Variants in HERC1 observed in about 807,000 individuals in gnomAD.
HERC1 encodes the protein probable E3 ubiquitin-protein ligase HERC1.
A neutral mutation model predicts 554.3 loss-of-function variants in HERC1; 160 were observed. The ratio of observed to expected loss-of-function variants is 0.29; its 90% CI spans 0.25 to 0.33. The LOEUF is 0.33. Among genes scored for constraint, HERC1 ranks in the 10% least tolerant of loss-of-function variants. HERC1 has a pLI of 1.00. For synonymous variants in HERC1, 2,175 were observed against 2,131.7 expected (o/e 1.02, Z -0.56); for missense variants, 4,919 against 5,918.5 (o/e 0.83, Z 5.54).
chr15:63,807,476 T>G (rs1185350077), intron 1 of HERC1, among the ~76,000 whole-genome samples: 1 of 152,178 alleles, frequency 6.6e-6, no homozygotes, highest in African/African-American at 2.4e-5. Flanking sequence ...CCTCTTCTTT[T>G]CCCCTCAGAC....
intron 1 of HERC1, 80 bp downstream of exon 1, chr15:63,833,747 G>GCACACACACA (rs1279912396): frequency 5.1e-5 from 6 of 117,738 alleles, no homozygotes; most frequent in African/African-American, 1.2e-4. Flanking sequence ...GCACACACGC[G>GCACACACACA]CGCGCGCACA....
At chr15:63,650,530 G>A (rs1322281881) in intron 53 of HERC1, among the ~76,000 whole-genome samples, 1 of 151,756 alleles carries the variant, frequency 6.6e-6, no homozygotes, top group East Asian at 1.9e-4. Context: ...CAATCCTTGA[G>A]CCTCAGCTTC....
chr15:63,732,292 C>T (rs545682003), intron 14 of HERC1, among the ~76,000 whole-genome samples: 19 of 152,222 alleles, frequency 1.2e-4, no homozygotes, highest in East Asian at 7.7e-4. Flanking sequence ...TAAGACACCG[C>T]GCCTGGCCTG....
intron 65 of HERC1, 72 bp from the exon 66 acceptor site, chr15:63,634,960 G>A: frequency 1.8e-6 from 2 of 1,111,908 alleles, no homozygotes; most frequent in Admixed American, 2.4e-5. Context: ...TGCCATTTTT[G>A]GTATTAATAT....
chr15:63,799,316 T>C (rs1006867023), intron 1 of HERC1, among the ~76,000 whole-genome samples: 81 of 151,712 alleles, frequency 5.3e-4, no homozygotes, highest in African/African-American at 1.9e-3. Context: ...GCCTGGGAAA[T>C]ATGGCAAAAC....
intron 19 of HERC1, 107 bp downstream of exon 19, chr15:63,723,075 T>TA (rs201867653): frequency 8.7e-5 from 55 of 634,778 alleles, no homozygotes; most frequent in African/African-American, 1.5e-4. Flanking sequence ...CTTTTTCTAT[T>TA]AAAAAAAAGG....
At chr15:63,710,317 G>A (rs1243567617) in intron 24 of HERC1, among the ~76,000 whole-genome samples, 1 of 152,106 alleles carries the variant, frequency 6.6e-6, no homozygotes, top group Non-Finnish European at 1.5e-5. Context: ...AAGTGTCTAA[G>A]GAGCAAAACT....
In HERC1 at chr15:63,674,624, G is replaced by C; in HGVS notation, c.7564C>G (p.Leu2522Val). ...TCAGCATATTTACTACAGCCAAGAA[G>C]GGCACTAAGTGACTTCATAGCACCG... is the stretch of plus-strand genomic sequence containing the variant. Reference protein sequence around the residue: ...YLGAMKSLSALLGCSKYAELL... With the variant: ...YLGAMKSLSAVLGCSKYAELL... The change falls in exon 38 of 78, where the codon CTT becomes GTT. Residue 2522 changes from leucine (L) to valine (V), a missense_variant. Physicochemically the swap from Leu to Val is conservative, Grantham distance 32. Around this residue, in one of 11 missense-constraint regions of HERC1, gnomAD observed 1,963 missense variants for 2,228.6 expected, o/e 0.88. Transcript: ENST00000443617. 6.2e-7 allele frequency: 1 copy of C among 1,613,278 alleles called. No homozygotes were observed. The highest frequency in any genetic ancestry group is 8.5e-7 in the Non-Finnish European group (1 of 1,179,508).
At chr15:63,662,957 A>G in intron 44 of HERC1, 27 bp downstream of exon 44, 1 of 1,565,794 alleles carries the variant, frequency 6.4e-7, no homozygotes. Context: ...AATAAGTCAG[A>G]GCAGCCCCCG....
Position 63,718,966 on chromosome 15 carries a change from C to A in HERC1, c.3743-69G>T. ...AACAGTTCAGAGGTAATTTTTATAG[C>A]TTTAGTCATCCAACACCTGAATTTT... On this transcript the variant is annotated intron_variant, in intron 19 of 77. Transcript: ENST00000443617. The surrounding 1 kb of genome is among the most constrained non-coding windows in gnomAD (Gnocchi z 4.2). The A allele has an allele frequency of 9.7e-7, 1 of 1,028,658 alleles. No individual in the cohort carries two copies. The highest frequency in any genetic ancestry group is 2.4e-5 in the Admixed American group (1 of 41,430). The allele number at this position is 1,028,658 out of a possible 1,614,324, so 63.7% of individuals were successfully genotyped here.
At chr15:63,665,536 A>G (rs994229790) in intron 42 of HERC1, among the ~76,000 whole-genome samples, 9 of 150,688 alleles carry the variant, frequency 6.0e-5, no homozygotes, top group Non-Finnish European at 1.3e-4. Context: ...TCCGTCTCAG[A>G]AAAAAAAAAG....
intron 74 of HERC1, among the ~76,000 whole-genome samples, chr15:63,617,343 A>G (rs2067865972): frequency 6.6e-6 from 1 of 152,118 alleles, no homozygotes; most frequent in African/African-American, 2.4e-5. Context: ...TGAACTCATC[A>G]TTTTTTATGG....
intron 12 of HERC1, among the ~76,000 whole-genome samples, chr15:63,743,986 T>TGCCTTAGTA (rs112226526): frequency 6.6e-6 from 1 of 151,696 alleles, no homozygotes; most frequent in Non-Finnish European, 1.5e-5. Context: ...AAACTGTATC[T>TGCCTTAGTA]ACGTTGTGGT....
chr15:63,679,917 A>G (rs2071395297), intron 36 of HERC1, among the ~76,000 whole-genome samples, 160 bp downstream of exon 36: 1 of 152,236 alleles, frequency 6.6e-6, no homozygotes, highest in Non-Finnish European at 1.5e-5. Context: ...AATATATCGT[A>G]AAGTCAATTT....
chr15:63,610,566 A>T (rs1399801427), intron 77 of HERC1, among the ~76,000 whole-genome samples: 2 of 152,166 alleles, frequency 1.3e-5, no homozygotes, highest in Admixed American at 1.3e-4. Context: ...AACAAAACAG[A>T]TTTACAACTT....
rs1313252908 is a variant in HERC1 at position 63,712,881 on chromosome 15, G to T, written c.4478C>A (p.Thr1493Asn). Residue 1493 changes from threonine to asparagine, a missense_variant, in exon 24 of 78, where the codon ACT becomes AAT. Transcript: ENST00000443617. The part of the protein sequence containing the change: ...GGLMTRSESL[T>N]AESRLVHTSP... The stretch of plus-strand genomic sequence containing the variant: ...TGTGTGGACTAGCCGGCTCTCTGCA[G>T]TAAGACTTTCACTCCTGTCTCACAT... 3.7e-6 allele frequency: 6 copies of T among 1,612,928 alleles called. No homozygotes were observed. Among genetic ancestry groups the T allele is most frequent in the Non-Finnish European group, 5.1e-6 (6 of 1,179,560 alleles).
intron 46 of HERC1, 87 bp downstream of exon 46, chr15:63,660,886 C>G (rs1392865332): frequency 1.2e-6 from 1 of 832,380 alleles, no homozygotes; most frequent in Non-Finnish European, 2.1e-6. Flanking sequence ...CACACACACA[C>G]ACGAAGGTGA....
At chr15:63,779,635 A>G (rs1190133872) in intron 1 of HERC1, 1 of 152,246 alleles carries the variant, frequency 6.6e-6, no homozygotes, top group African/African-American at 2.4e-5. Context: ...CCACTTGTCT[A>G]TTCTTACAAC....
chr15:63,609,039 C>T lies in HERC1; in HGVS notation c.*42G>A. The T allele has an allele frequency of 2.6e-6, 4 of 1,555,696 alleles. No homozygotes were observed. The South Asian group carries it at 4.7e-5, about 18-fold the overall frequency. ...ATATCAACATCAAATCAGAAGTGAG[C>T]ATTATTGAGGGAGAGAAGGGAGGGT... On this transcript the variant is annotated 3_prime_UTR_variant, in exon 78 of 78. Coordinates refer to ENST00000443617, the MANE Select transcript of HERC1 (RefSeq NM_003922.4).
Sources: allele counts gnomAD v4.1 joint callset (sites outside exome capture counted in the v4.1 genomes callset), GRCh38; gene constraint gnomAD v4.1.1; regional missense constraint gnomAD v4.1.1; non-coding constraint Gnocchi (gnomAD v3.1); transcripts MANE v1.5; gene names NCBI Gene and HGNC (gene_info 2026-07-23, HGNC 2026-07-21).